The following KMT2E variants were observed in gnomAD, a reference collection of about 807,000 sequenced individuals.
KMT2E encodes lysine methyltransferase 2E (inactive), also known as histone reader KMT2E.
A neutral mutation model predicts 184.6 loss-of-function variants in KMT2E; 30 were observed. The ratio of observed to expected loss-of-function variants is 0.16; its 90% CI spans 0.12 to 0.22. KMT2E has a LOEUF of 0.22. KMT2E is among the 10% of genes least tolerant of loss of function. The pLI, the probability that KMT2E is intolerant of heterozygous loss-of-function variation, is 1.00. For missense variants in KMT2E, 2,023 were observed against 2,237.4 expected (o/e 0.90, Z 1.93); for synonymous variants, 815 against 776.5 (o/e 1.05, Z -0.82).
intron 1 of KMT2E, among the ~76,000 whole-genome samples, chr7:105,028,126 A>G (rs1795246437): frequency 6.6e-6 from 1 of 151,754 alleles, no homozygotes; most frequent in Non-Finnish European, 1.5e-5. Flanking sequence ...AAAAAGATAG[A>G]TATTTTGCTC....
rs1295773367 is a variant in KMT2E at position 105,101,746 on chromosome 7, A to G, written c.1888-140A>G. The stretch of plus-strand genomic sequence containing the variant: ...GAGTTTCAGCTTGAGATAAAAGACT[A>G]TATATTATCTCTGTTCTTTATTATA... On this transcript the variant is annotated intron_variant, in intron 16 of 26. Coordinates refer to ENST00000311117, the MANE Select transcript of KMT2E (RefSeq NM_182931.3). 2.6e-4 allele frequency: 248 copies of G among 949,004 alleles called. 1 individual carries two copies. In the East Asian group the frequency reaches 7.0e-3, roughly 27 times the overall value. 58.8% of individuals were successfully genotyped at this position (949,004 alleles called of 1,614,324 possible).
chr7:105,021,791 A>G (rs2129564020), intron 1 of KMT2E, among the ~76,000 whole-genome samples: 1 of 152,334 alleles, frequency 6.6e-6, no homozygotes, highest in East Asian at 1.9e-4. Flanking sequence ...TTCCAAAACT[A>G]AATAATTGAT....
At position 105,038,159 on chromosome 7, in the gene KMT2E, T is replaced by C. The variant is rs558261272; in HGVS notation, c.-155T>C. The C allele has an allele frequency of 2.0e-5, 3 of 152,302 alleles. No homozygotes were observed. The highest frequency in any genetic ancestry group is 3.9e-4 in the East Asian group (2 of 5,182). The allele number at this position is 152,302 out of a possible 1,614,324, so 9.4% of individuals were successfully genotyped here. On this transcript the variant is annotated 5_prime_UTR_variant, in exon 2 of 27. Transcript: ENST00000311117. ...TGGATAAGCAGGTTTTGTGAAGACA[T>C]TTATTCTTTCTTGGACCTCAGATTT...
At chr7:105,065,991 T>C (rs1339277071) in intron 5 of KMT2E, among the ~76,000 whole-genome samples, 2 of 152,278 alleles carry the variant, frequency 1.3e-5, no homozygotes, top group African/African-American at 4.8e-5. Context: ...TCTGTCCTCA[T>C]AGAATGCCTC....
chr7:105,044,868 T>C (rs1382090108), intron 3 of KMT2E, among the ~76,000 whole-genome samples: 2 of 152,204 alleles, frequency 1.3e-5, no homozygotes, highest in African/African-American at 4.8e-5. Context: ...CTGATACTCC[T>C]TGGAGCCAGA....
Position 105,102,096 on chromosome 7 carries a change from A to G in KMT2E, c.2098A>G (p.Ile700Val), listed in dbSNP as rs1356026545. Residue 700 changes from isoleucine to valine, a missense_variant, in exon 17 of 27, where the codon ATA becomes GTA. By Grantham distance (29) the Ile-to-Val change is conservative. Transcript: ENST00000311117. ...QNDIENTVLTIEPETETALAE... is the reference protein window; with the variant it reads ...QNDIENTVLTVEPETETALAE... ...TGATATTGAAAATACTGTACTTACA[A>G]TAGAACCAGAAACTGAAACTGCACT... The G allele has an allele frequency of 1.2e-6, 2 of 1,613,428 alleles. No individual in the cohort carries two copies. The highest frequency in any genetic ancestry group is 1.7e-6 in the Non-Finnish European group (2 of 1,179,568).
At chr7:105,083,131 G>A (rs1735298456) in intron 13 of KMT2E, among the ~76,000 whole-genome samples, 1 of 152,102 alleles carries the variant, frequency 6.6e-6, no homozygotes, top group South Asian at 2.1e-4. Flanking sequence ...ACAACATCTG[G>A]ACACAGTTCA....
chr7:105,041,344 T>C (rs537799869), intron 3 of KMT2E, among the ~76,000 whole-genome samples: 1 of 152,300 alleles, frequency 6.6e-6, no homozygotes, highest in South Asian at 2.1e-4. Flanking sequence ...GATATTGTTA[T>C]TCCAGTGTCA....
At chr7:105,055,912 CTTTTTTT>C (rs368973029) in intron 3 of KMT2E, among the ~76,000 whole-genome samples, 1 of 145,224 alleles carries the variant, frequency 6.9e-6, no homozygotes, top group African/African-American at 2.5e-5. Context: ...AGAAGGATCA[CTTTTTTT>C]TTTTTTTATT....
At chr7:105,024,498 CTT>C (rs1795091212) in intron 1 of KMT2E, among the ~76,000 whole-genome samples, 3 of 152,220 alleles carry the variant, frequency 2.0e-5, no homozygotes, top group African/African-American at 7.2e-5. Context: ...TAAGAGAACT[CTT>C]TGTTATTTTT....
intron 7 of KMT2E, among the ~76,000 whole-genome samples, chr7:105,074,316 T>G (rs530673670): frequency 2.0e-5 from 3 of 152,340 alleles, no homozygotes; most frequent in African/African-American, 7.2e-5. Flanking sequence ...GGTCAGAAGG[T>G]ATGTACATAT....
chr7:105,089,590 C>G (rs1236917814), intron 13 of KMT2E, among the ~76,000 whole-genome samples: 1 of 152,122 alleles, frequency 6.6e-6, no homozygotes, highest in Non-Finnish European at 1.5e-5. Context: ...TTGTTTCAGG[C>G]ACAGAATTAG....
chr7:105,091,585 T>A, intron 15 of KMT2E: 1 of 526,500 alleles, frequency 1.9e-6, no homozygotes. Flanking sequence ...CACACTGAAC[T>A]ATTAATAAAT....
At chr7:105,015,334 C>A (rs1237849357) in intron 1 of KMT2E, among the ~76,000 whole-genome samples, 1 of 152,138 alleles carries the variant, frequency 6.6e-6, no homozygotes, top group Non-Finnish European at 1.5e-5. Flanking sequence ...GAGAAAAAAA[C>A]AATCCAGAGT....
At chr7:105,043,090 C>T (rs1795949616) in intron 3 of KMT2E, among the ~76,000 whole-genome samples, 2 of 152,140 alleles carry the variant, frequency 1.3e-5, no homozygotes, top group African/African-American at 4.8e-5. Context: ...GGAAGAAGAA[C>T]ATCCTTTAAG....
chr7:105,083,482 T>C (rs1797838807), intron 13 of KMT2E, among the ~76,000 whole-genome samples: 1 of 152,220 alleles, frequency 6.6e-6, no homozygotes, highest in Non-Finnish European at 1.5e-5. Flanking sequence ...AAAGCATCAA[T>C]GGTACCAATC....
At chr7:105,020,233 G>A (rs1282672290) in intron 1 of KMT2E, among the ~76,000 whole-genome samples, 2 of 152,094 alleles carry the variant, frequency 1.3e-5, no homozygotes, top group African/African-American at 4.8e-5. Flanking sequence ...CAGCATTTAA[G>A]GTCATGCCTG....
chr7:105,071,636 T>TTA (rs1797322512), intron 6 of KMT2E, among the ~76,000 whole-genome samples: 3 of 116,990 alleles, frequency 2.6e-5, no homozygotes, highest in African/African-American at 3.5e-5. Context: ...TTTTTTTTTT[T>TTA]AAGTAGAGAA....
chr7:105,099,393 GACC>G (rs981760628), intron 15 of KMT2E, among the ~76,000 whole-genome samples: 5 of 152,110 alleles, frequency 3.3e-5, no homozygotes, highest in Non-Finnish European at 4.4e-5. Flanking sequence ...AGCAGTATTG[GACC>G]ACATTATTTT....
Sources: allele counts gnomAD v4.1 joint callset (sites outside exome capture counted in the v4.1 genomes callset), GRCh38; gene constraint gnomAD v4.1.1; transcripts MANE v1.5; gene names NCBI Gene and HGNC (gene_info 2026-07-23, HGNC 2026-07-21).